Variants in DOCK8 observed in about 807,000 individuals in gnomAD.
DOCK8 encodes dedicator of cytokinesis protein 8.
In DOCK8, 141 loss-of-function variants were observed where a neutral mutation model predicts 245.6. The observed-to-expected ratio is 0.57, with a 90% confidence interval of 0.50 to 0.66. DOCK8 has a LOEUF of 0.66. Ranked by LOEUF, DOCK8 falls within the 30% of genes least tolerant of loss-of-function variation. The probability of loss-of-function intolerance (pLI) is 0.00; values close to 1 mark genes in which losing one functional copy is unlikely to be tolerated. For missense variants in DOCK8, 2,965 were observed against 2,603.4 expected (o/e 1.14, Z -3.02); for synonymous variants, 1,168 against 970.2 (o/e 1.20, Z -3.79).
chr9:281,816 A>G (rs1029217659), intron 2 of DOCK8, among the ~76,000 whole-genome samples: 2 of 152,232 alleles, frequency 1.3e-5, no homozygotes, highest in Non-Finnish European at 1.5e-5. Context: ...GTCTCCACCC[A>G]CTTGCCAAGG....
rs192864327 is a variant in DOCK8 at position 271,626 on chromosome 9, G to C, written c.54-1G>C. The stretch of plus-strand genomic sequence containing the variant: ...TTTAGATTTTTCTATTTTAATCCAA[G>C]GTATTCTTCAGCGGAAATAAGGAAA... On this transcript the variant is annotated splice_acceptor_variant, in intron 1 of 47. Coordinates refer to ENST00000432829, the MANE Select transcript of DOCK8 (RefSeq NM_203447.4). LOFTEE classifies it high-confidence loss of function. 2.6e-6 allele frequency: 4 copies of C among 1,539,360 alleles called. No homozygotes were observed. Among genetic ancestry groups the C allele is most frequent in the Non-Finnish European group, 2.6e-6 (3 of 1,136,338 alleles).
At chr9:261,010 C>A (rs146031520) in intron 1 of DOCK8, among the ~76,000 whole-genome samples, 1 of 151,080 alleles carries the variant, frequency 6.6e-6, no homozygotes, top group South Asian at 2.1e-4. Context: ...ATTATTACCC[C>A]GGGAGGCAGA....
chr9:272,441 G>A (rs1283818861), intron 2 of DOCK8, among the ~76,000 whole-genome samples: 2 of 152,138 alleles, frequency 1.3e-5, no homozygotes, highest in Admixed American at 6.5e-5. Context: ...GGAGTACAGA[G>A]GTGTGATCTC....
In DOCK8 at chr9:286,645, T is replaced by G. The variant is rs113744378; in HGVS notation, c.332+9T>G. 2.2e-4 allele frequency: 361 copies of G among 1,613,490 alleles called. 1 individual carries two copies. In the African/African-American group the frequency reaches 4.1e-3, roughly 19 times the overall value. On this transcript the variant is annotated intron_variant, in intron 3 of 47. Coordinates refer to ENST00000432829, the MANE Select transcript of DOCK8 (RefSeq NM_203447.4). Reference sequence around the variant, plus strand: ...TCTTTGCCGGAGGAAGGGTAAATAGTTTTCTAAAATGTAGATGTGATTGGG... The same window carrying G: ...TCTTTGCCGGAGGAAGGGTAAATAGGTTTCTAAAATGTAGATGTGATTGGG...
At chr9:269,704 C>T (rs1334518792) in intron 1 of DOCK8, among the ~76,000 whole-genome samples, 3 of 151,858 alleles carry the variant, frequency 2.0e-5, no homozygotes, top group Non-Finnish European at 4.4e-5. Context: ...TACAGGCACA[C>T]GCCACCACAC....
At chr9:427,094 T>C in intron 34 of DOCK8, 113 bp downstream of exon 34, 1 of 898,750 alleles carries the variant, frequency 1.1e-6, no homozygotes. Flanking sequence ...TAGTACCTTT[T>C]TTAAAAAAAT....
chr9:251,653 C>T (rs940721591), intron 1 of DOCK8, among the ~76,000 whole-genome samples: 5 of 152,132 alleles, frequency 3.3e-5, no homozygotes, highest in African/African-American at 4.8e-5. Flanking sequence ...CCAGTAAAGC[C>T]TTGTACAAGT....
At chr9:291,859 G>T (rs1264720611) in intron 4 of DOCK8, among the ~76,000 whole-genome samples, 2 of 151,144 alleles carry the variant, frequency 1.3e-5, no homozygotes, top group Non-Finnish European at 2.9e-5. Flanking sequence ...TTGAACCCAG[G>T]AGTTCAAGAC....
intron 9 of DOCK8, among the ~76,000 whole-genome samples, chr9:329,946 T>G (rs1256881648): frequency 6.6e-6 from 1 of 152,266 alleles, no homozygotes; most frequent in African/African-American, 2.4e-5. Flanking sequence ...GCTTTCTGTT[T>G]GCTTTTCTTT....
intron 1 of DOCK8, among the ~76,000 whole-genome samples, chr9:262,371 A>T (rs2047937396): frequency 6.6e-6 from 1 of 151,626 alleles, no homozygotes; most frequent in African/African-American, 2.4e-5. Context: ...ATTTGAACAC[A>T]AATGTTTACA....
At chr9:239,998 C>T (rs936228303) in intron 1 of DOCK8, among the ~76,000 whole-genome samples, 1 of 152,166 alleles carries the variant, frequency 6.6e-6, no homozygotes, top group Non-Finnish European at 1.5e-5. Flanking sequence ...TAAATTTATG[C>T]ATTCATCTTT....
intron 5 of DOCK8, 64 bp from the exon 6 acceptor site, chr9:311,890 A>T: frequency 1.9e-6 from 3 of 1,591,368 alleles, no homozygotes; most frequent in South Asian, 2.2e-5. Flanking sequence ...GACATCCAAG[A>T]TTCTTCGGTT....
chr9:410,118 T>C (rs1247785457), intron 28 of DOCK8, among the ~76,000 whole-genome samples: 1 of 152,114 alleles, frequency 6.6e-6, no homozygotes, highest in Non-Finnish European at 1.5e-5. Context: ...CACTATATAT[T>C]TTATTTACTT....
chr9:212,398 A>C (rs1210515485), upstream of DOCK8, among the ~76,000 whole-genome samples: 4 of 152,158 alleles, frequency 2.6e-5, no homozygotes, highest in African/African-American at 9.7e-5. Context: ...GATACGGAGA[A>C]AGAGGAAGGC....
chr9:282,419 TTTTTTTTTTTGGTTTTC>T, intron 2 of DOCK8, among the ~76,000 whole-genome samples: 1 of 151,052 alleles, frequency 6.6e-6, no homozygotes, highest in Admixed American at 6.6e-5. Flanking sequence ...TTTTGTTTTT[TTTTTTTTTTTGGTTTTC>T]TAGAGACAGG....
At chr9:362,726 C>T (rs1354212286) in intron 14 of DOCK8, among the ~76,000 whole-genome samples, 1 of 152,218 alleles carries the variant, frequency 6.6e-6, no homozygotes, top group African/African-American at 2.4e-5. Context: ...TTGAGCTCAG[C>T]TCCAAGCTGT....
intron 1 of DOCK8, 83 bp downstream of exon 1, chr9:215,112 G>A: frequency 6.7e-7 from 1 of 1,503,626 alleles, no homozygotes; most frequent in Non-Finnish European, 8.8e-7. Flanking sequence ...AGGGGCCGAG[G>A]CCGGACGAGT....
intron 43 of DOCK8, among the ~76,000 whole-genome samples, chr9:443,913 G>A (rs1587069531): frequency 6.6e-6 from 1 of 152,288 alleles, no homozygotes; most frequent in East Asian, 1.9e-4. Context: ...GAGGTCTGTT[G>A]CTTCTGAACC....
At chr9:346,815 C>T (rs1249986847) in intron 14 of DOCK8, among the ~76,000 whole-genome samples, 1 of 149,462 alleles carries the variant, frequency 6.7e-6, no homozygotes, top group Admixed American at 6.6e-5. Context: ...CAGGACCTGA[C>T]CGGAAGGAAT....
Sources: gnomAD v4.1 joint callset for allele counts (sites outside exome capture counted in the v4.1 genomes callset) on GRCh38, gnomAD v4.1.1 for gene constraint, MANE v1.5 for transcripts, NCBI Gene and HGNC (gene_info 2026-07-23, HGNC 2026-07-21) for gene names.